The following LRMDA variants were observed in gnomAD, a reference collection of about 807,000 sequenced individuals.
LRMDA encodes the protein leucine-rich melanocyte differentiation-associated protein.
In LRMDA, 18 loss-of-function variants were observed where a neutral mutation model predicts 29.8. That is an observed-to-expected ratio of 0.60 (90% confidence interval 0.42 to 0.90). The LOEUF is 0.90. Among genes scored for constraint, LRMDA ranks in the 40% least tolerant of loss-of-function variants. The probability of loss-of-function intolerance (pLI) is 0.00; values close to 1 mark genes in which losing one functional copy is unlikely to be tolerated. For missense variants in LRMDA, 273 were observed against 273.9 expected, an observed-to-expected ratio of 1.00 and a Z score of 0.02; for synonymous variants, 125 against 109.4, an observed-to-expected ratio of 1.14 and a Z score of -0.89.
At chr10:76,145,254 C>T (rs1850290815) in intron 5 of LRMDA, among the ~76,000 whole-genome samples, 1 of 152,108 alleles carries the variant, frequency 6.6e-6, no homozygotes, top group Non-Finnish European at 1.5e-5. Flanking sequence ...GGAATAGTTT[C>T]AGAAGGAATG....
intron 2 of LRMDA, among the ~76,000 whole-genome samples, chr10:75,941,387 A>G (rs752246434): frequency 1.3e-5 from 2 of 152,164 alleles, no homozygotes; most frequent in Non-Finnish European, 2.9e-5. Flanking sequence ...ATGGAAAACG[A>G]CTTTTAATTT....
At chr10:76,397,818 G>T (rs992537553) in intron 6 of LRMDA, among the ~76,000 whole-genome samples, 1 of 145,694 alleles carries the variant, frequency 6.9e-6, no homozygotes, top group African/African-American at 2.7e-5. Context: ...AATGCCTGAA[G>T]ACTCACAAAA....
At chr10:75,665,613 T>C (rs1300211075) in intron 2 of LRMDA, among the ~76,000 whole-genome samples, 1 of 152,256 alleles carries the variant, frequency 6.6e-6, no homozygotes, top group Non-Finnish European at 1.5e-5. Flanking sequence ...TTTCTCTATA[T>C]TAGTTTAGAA....
At chr10:75,889,966 G>A (rs1233880806) in intron 2 of LRMDA, among the ~76,000 whole-genome samples, 1 of 152,220 alleles carries the variant, frequency 6.6e-6, no homozygotes, top group Non-Finnish European at 1.5e-5. Flanking sequence ...TAGCTGGTTA[G>A]AAGATGTTCT....
At chr10:76,192,125 C>T (rs1851257838) in intron 5 of LRMDA, among the ~76,000 whole-genome samples, 1 of 152,188 alleles carries the variant, frequency 6.6e-6, no homozygotes. Context: ...GTTACCAACA[C>T]TCCTAAGTTA....
intron 2 of LRMDA, among the ~76,000 whole-genome samples, chr10:75,513,697 G>A (rs77432919): frequency 2.0e-5 from 3 of 151,944 alleles, no homozygotes; most frequent in Non-Finnish European, 2.9e-5. Flanking sequence ...TTTGGCTCTC[G>A]GCCCGGTGTC....
chr10:76,468,493 C>T (rs1019227893), intron 6 of LRMDA, among the ~76,000 whole-genome samples: 2 of 152,082 alleles, frequency 1.3e-5, no homozygotes, highest in African/African-American at 4.8e-5. Context: ...ACAGAGTAGA[C>T]TGGGCTCTTT....
intron 6 of LRMDA, among the ~76,000 whole-genome samples, chr10:76,492,654 A>T (rs551316751): frequency 6.6e-6 from 1 of 152,168 alleles, no homozygotes; most frequent in African/African-American, 2.4e-5. Context: ...AGACTGGGTA[A>T]TTTACAAAGG....
chr10:75,920,914 T>G (rs1846015260), intron 2 of LRMDA, among the ~76,000 whole-genome samples: 1 of 152,198 alleles, frequency 6.6e-6, no homozygotes, highest in African/African-American at 2.4e-5. Flanking sequence ...ATGGGCCATG[T>G]TGTTCCACTA....
At chr10:76,187,325 T>G (rs796567746) in intron 5 of LRMDA, among the ~76,000 whole-genome samples, 5 of 152,286 alleles carry the variant, frequency 3.3e-5, no homozygotes, top group African/African-American at 1.2e-4. Flanking sequence ...TTAAAAAGAA[T>G]CACATTCTTT....
intron 2 of LRMDA, among the ~76,000 whole-genome samples, chr10:75,750,619 C>CTGCAATCTCTGCACTTTGGGA: frequency 6.8e-6 from 1 of 145,994 alleles, no homozygotes; most frequent in Non-Finnish European, 1.5e-5. Flanking sequence ...CGGGCAGAGG[C>CTGCAATCTCTGCACTTTGGGA]GCTCCTCACA....
intron 2 of LRMDA, among the ~76,000 whole-genome samples, chr10:75,522,370 T>C (rs1845371860): frequency 6.6e-6 from 1 of 152,198 alleles, no homozygotes; most frequent in Admixed American, 6.5e-5. Flanking sequence ...TTCAGAAGTC[T>C]CTGTGCAGAG....
intron 2 of LRMDA, among the ~76,000 whole-genome samples, chr10:75,442,600 C>A (rs1424154120): frequency 1.3e-5 from 2 of 152,036 alleles, no homozygotes; most frequent in Non-Finnish European, 2.9e-5. Flanking sequence ...CTATTTTATT[C>A]CGTTGGTCTA....
chr10:76,151,009 C>T (rs1850430598), intron 5 of LRMDA, among the ~76,000 whole-genome samples: 1 of 152,090 alleles, frequency 6.6e-6, no homozygotes, highest in South Asian at 2.1e-4. Context: ...TAAGACCCAG[C>T]CGGGCAGCAG....
At chr10:75,488,261 T>C (rs759495703) in intron 2 of LRMDA, among the ~76,000 whole-genome samples, 1 of 152,170 alleles carries the variant, frequency 6.6e-6, no homozygotes, top group Non-Finnish European at 1.5e-5. Flanking sequence ...TATCTTTTCC[T>C]TTTTCTTAAA....
At chr10:76,363,183 AGG>A (rs1175550473) in intron 6 of LRMDA, among the ~76,000 whole-genome samples, 8 of 16,030 alleles carry the variant, frequency 5.0e-4, no homozygotes, top group South Asian at 2.7e-3. Flanking sequence ...GAAAGGAGGG[AGG>A]GAGGGAGGGA....
At chr10:76,343,213 T>C (rs1841062836) in intron 6 of LRMDA, among the ~76,000 whole-genome samples, 1 of 152,164 alleles carries the variant, frequency 6.6e-6, no homozygotes, top group African/African-American at 2.4e-5. Context: ...CTTACAGAAG[T>C]ATATTTACAG....
At chr10:76,159,625 G>A (rs747624693) in intron 5 of LRMDA, among the ~76,000 whole-genome samples, 1 of 152,140 alleles carries the variant, frequency 6.6e-6, no homozygotes, top group Non-Finnish European at 1.5e-5. Context: ...AAACTTGGAG[G>A]CAACCAAGAG....
chr10:76,484,697 T>C (rs1443932203), intron 6 of LRMDA, among the ~76,000 whole-genome samples: 1 of 151,988 alleles, frequency 6.6e-6, no homozygotes, highest in African/African-American at 2.4e-5. Flanking sequence ...AGGTTATCTA[T>C]ATAGACAATC....
Sources: allele counts gnomAD v4.1 joint callset (sites outside exome capture counted in the v4.1 genomes callset), GRCh38; gene constraint gnomAD v4.1.1; transcripts MANE v1.5; gene names NCBI Gene and HGNC (gene_info 2026-07-23, HGNC 2026-07-21).